Variants in ITGAE observed in about 807,000 individuals in gnomAD.
ITGAE encodes integrin subunit alpha E, also known as integrin alpha-E.
A neutral mutation model predicts 136.5 loss-of-function variants in ITGAE; 99 were observed. The observed-to-expected ratio is 0.73, with a 90% CI of 0.62 to 0.86. The LOEUF (loss-of-function observed/expected upper bound fraction) is 0.86. ITGAE is among the 40% of genes least tolerant of loss of function. The pLI, the probability that ITGAE is intolerant of heterozygous loss-of-function variation, is 0.00. For synonymous variants in ITGAE, 613 were observed against 591.8 expected, an observed-to-expected ratio of 1.04 and a Z score of -0.52; for missense variants, 1,447 against 1,515.3, an observed-to-expected ratio of 0.95 and a Z score of 0.75.
At chr17:3,743,465 G>T (rs759230890) in intron 19 of ITGAE, 24 bp downstream of exon 19, 1 of 1,565,244 alleles carries the variant, frequency 6.4e-7, no homozygotes, top group Non-Finnish European at 8.6e-7. Flanking sequence ...AAGAGGGCTG[G>T]GTACTGGCTG....
chr17:3,718,699 G>A (rs2050987567), intron 29 of ITGAE, among the ~76,000 whole-genome samples: 1 of 152,168 alleles, frequency 6.6e-6, no homozygotes, highest in South Asian at 2.1e-4. Flanking sequence ...TAAGTAAGAG[G>A]GGGAAACATA....
At chr17:3,790,093 C>T (rs2052902009) in intron 1 of ITGAE, among the ~76,000 whole-genome samples, 1 of 152,110 alleles carries the variant, frequency 6.6e-6, no homozygotes, top group Non-Finnish European at 1.5e-5. Flanking sequence ...TGGTGTGACA[C>T]TCTAGGAAGG....
At chr17:3,769,571 G>C (rs1048450531) in intron 2 of ITGAE, among the ~76,000 whole-genome samples, 2 of 152,236 alleles carry the variant, frequency 1.3e-5, no homozygotes, top group Non-Finnish European at 2.9e-5. Flanking sequence ...AGCTCTGACA[G>C]AGGACTGGCC....
rs982965439 is a variant in ITGAE at position 3,761,027 on chromosome 17, T to C, written c.584A>G (p.Glu195Gly). The C allele has an allele frequency of 6.2e-7, 1 of 1,603,314 alleles. No homozygotes were observed. The highest frequency in any genetic ancestry group is 1.3e-5 in the African/African-American group (1 of 74,836). The change falls in exon 6 of 31, where the codon GAG becomes GGG. Residue 195 changes from glutamate to glycine, a missense_variant. By Grantham distance (98) the Glu-to-Gly change is moderately conservative. Around this residue, in one of 3 missense-constraint regions of ITGAE, gnomAD observed 310 missense variants for 416.1 expected, o/e 0.74. Coordinates refer to ENST00000263087, the MANE Select transcript of ITGAE (RefSeq NM_002208.5). Reference protein sequence around the residue: ...EEDKEEEEDEEEEEAGTEIAI... With the variant: ...EEDKEEEEDEGEEEAGTEIAI... ...CCTCTTCTCACCAGCTTCCTCCTCC[T>C]CCTCGTCTTCCTCCTCCTCCTTGTC...
At chr17:3,724,299 C>G (rs372198310) in intron 26 of ITGAE, 1 of 1,586,410 alleles carries the variant, frequency 6.3e-7, no homozygotes, top group African/African-American at 1.3e-5. Flanking sequence ...GCGAGCTCGG[C>G]CCCCGCAGAA....
At position 3,755,208 on chromosome 17, in the gene ITGAE, C is replaced by T. The variant is rs1045876320; in HGVS notation, c.1293G>A (p.Leu431=). The change falls in exon 12 of 31, where the codon TTG becomes TTA. Residue 431 remains leucine, a synonymous_variant. Coordinates refer to ENST00000263087, the MANE Select transcript of ITGAE (RefSeq NM_002208.5). ...VGAFDWSGGA[L]LYDTRSRRGR... is the part of the protein sequence containing the mutation. ...CCCGGCGGCTGCGTGTGTCGTAGAG[C>T]AACGCCCCTCCGGACCAGTCAAAGG... The T allele has an allele frequency of 2.1e-5, 33 of 1,578,008 alleles. No individual in the cohort carries two copies. The highest frequency in any genetic ancestry group is 2.7e-5 in the Non-Finnish European group (32 of 1,168,052).
intron 23 of ITGAE, 78 bp downstream of exon 23, chr17:3,731,026 C>A: frequency 8.3e-7 from 1 of 1,203,886 alleles, no homozygotes. Flanking sequence ...GGGGCCGTTC[C>A]TCTCACAGCG....
intron 1 of ITGAE, among the ~76,000 whole-genome samples, chr17:3,792,588 A>C (rs1264811448): frequency 6.6e-6 from 1 of 152,248 alleles, no homozygotes; most frequent in Non-Finnish European, 1.5e-5. Context: ...GGATACAACA[A>C]GCCAGGAAGG....
rs369478764 is a variant in ITGAE, at chr17:3,748,050, G to C, written c.2027C>G (p.Ser676Cys). ...GTLGQAVVFR[S>C]RPVVRLKVSM... is the part of the protein sequence containing the mutation. ...GACCTTCAGGCGAACCACAGGCCGG[G>C]AGCTAAACAAGACAGCAAAGAGGAT... is the stretch of plus-strand genomic sequence containing the variant. The change falls in exon 17 of 31, where the codon TCC (serine) becomes TGC (cysteine). Residue 676 changes from serine to cysteine, a missense_variant and splice_region_variant. Ser to Cys is a moderately radical substitution (Grantham distance 112). Transcript: ENST00000263087. 7 of 1,610,406 alleles carry C rather than the reference G, an allele frequency of 4.3e-6. No individual in the cohort carries two copies. The highest frequency in any genetic ancestry group is 5.9e-6 in the Non-Finnish European group (7 of 1,177,954).
intron 28 of ITGAE, among the ~76,000 whole-genome samples, chr17:3,721,061 T>G (rs1034839310): frequency 1.3e-5 from 2 of 151,958 alleles, no homozygotes; most frequent in African/African-American, 4.8e-5. Context: ...CCTGAGTAGC[T>G]GAGACCACAG....
At chr17:3,724,732 TGA>T in intron 26 of ITGAE, 7 of 1,614,072 alleles carry the variant, frequency 4.3e-6, no homozygotes, top group Non-Finnish European at 5.9e-6. Context: ...GGGAAGAATA[TGA>T]GAGAGTCCTG....
At chr17:3,731,643 C>T (rs1019340863) in intron 22 of ITGAE, among the ~76,000 whole-genome samples, 10 of 151,738 alleles carry the variant, frequency 6.6e-5, no homozygotes, top group Admixed American at 1.3e-4. Flanking sequence ...CGCCTGGCCC[C>T]GTTATTTCAG....
intron 2 of ITGAE, among the ~76,000 whole-genome samples, chr17:3,770,640 C>T (rs776813172): frequency 1.5e-4 from 23 of 152,200 alleles, no homozygotes; most frequent in Non-Finnish European, 8.8e-5. Context: ...GCAGCAGGCC[C>T]GTGGTCTCAG....
intron 23 of ITGAE, among the ~76,000 whole-genome samples, chr17:3,730,124 C>A (rs1221736449): frequency 1.3e-5 from 2 of 152,138 alleles, no homozygotes; most frequent in African/African-American, 4.8e-5. Flanking sequence ...GGTGCTTCTG[C>A]ACCTGGCTCC....
At chr17:3,727,769 C>T (rs1297109441) in intron 26 of ITGAE, 150 bp downstream of exon 26, 5 of 627,330 alleles carry the variant, frequency 8.0e-6, no homozygotes, top group South Asian at 7.9e-5. Context: ...GATTGAGAGT[C>T]CTTCTGAACA....
chr17:3,740,867 G>C (rs1398639710), intron 19 of ITGAE, among the ~76,000 whole-genome samples: 1 of 152,126 alleles, frequency 6.6e-6, no homozygotes, highest in Non-Finnish European at 1.5e-5. Context: ...CGGCTGGAGA[G>C]CCTCTGCACT....
chr17:3,789,640 G>A (rs866205172), intron 1 of ITGAE, among the ~76,000 whole-genome samples: 3 of 151,962 alleles, frequency 2.0e-5, no homozygotes, highest in Middle Eastern at 3.2e-3. Context: ...AGCTGGGATT[G>A]CAGGCATGTG....
At chr17:3,796,205 C>T (rs1160263384) in intron 1 of ITGAE, among the ~76,000 whole-genome samples, 2 of 81,096 alleles carry the variant, frequency 2.5e-5, no homozygotes, top group South Asian at 3.0e-4. Context: ...TGGGGTAGTT[C>T]GCTGTATTTG....
intron 1 of ITGAE, among the ~76,000 whole-genome samples, chr17:3,795,864 T>C (rs1235434159): frequency 6.6e-6 from 1 of 150,420 alleles, no homozygotes; most frequent in African/African-American, 2.5e-5. Context: ...TGTGCATCCA[T>C]GTGCATCCGT....
Sources: gnomAD v4.1 joint callset for allele counts (sites outside exome capture counted in the v4.1 genomes callset) on GRCh38, gnomAD v4.1.1 for gene constraint, gnomAD v4.1.1 regional missense constraint, MANE v1.5 for transcripts, NCBI Gene and HGNC (gene_info 2026-07-23, HGNC 2026-07-21) for gene names.